TMEM131L: variants seen among roughly 807,000 people sequenced by gnomAD.
TMEM131L encodes transmembrane protein 131-like.
Under a neutral mutation model 192.2 loss-of-function variants are expected in TMEM131L, and 54 were observed. That is an observed-to-expected ratio of 0.28 (90% CI 0.23 to 0.35). The LOEUF is 0.35. Among genes scored for constraint, TMEM131L ranks in the 10% least tolerant of loss-of-function variants. The pLI is 1.00. For missense variants in TMEM131L, 1,888 were observed against 1,972.9 expected, an observed-to-expected ratio of 0.96 and a Z score of 0.82; for synonymous variants, 701 against 704.9, an observed-to-expected ratio of 0.99 and a Z score of 0.09.
At chr4:153,524,173 A>G (rs1348865898) in intron 3 of TMEM131L, among the ~76,000 whole-genome samples, 2 of 126,078 alleles carry the variant, frequency 1.6e-5, no homozygotes, top group Admixed American at 9.5e-5. Flanking sequence ...TGCAAAGTCT[A>G]GTGGGGAATT....
At chr4:153,545,290 C>CTTTTTTTTTTTT (rs59852943) in intron 3 of TMEM131L, among the ~76,000 whole-genome samples, 9 of 132,324 alleles carry the variant, frequency 6.8e-5, no homozygotes, top group East Asian at 2.5e-4. Context: ...CTTTTTCAAA[C>CTTTTTTTTTTTT]TTTTTTTTTT....
chr4:153,576,089 A>G (rs528070029), intron 7 of TMEM131L, among the ~76,000 whole-genome samples: 65 of 151,792 alleles, frequency 4.3e-4, no homozygotes, highest in African/African-American at 1.5e-3. Context: ...CCTCCCGAGT[A>G]GCTGGGACTA....
intron 3 of TMEM131L, among the ~76,000 whole-genome samples, chr4:153,496,741 G>A (rs1246321419): frequency 6.6e-6 from 1 of 151,794 alleles, no homozygotes; most frequent in Non-Finnish European, 1.5e-5. Context: ...TGTAGACATG[G>A]GGGTCTCACT....
chr4:153,632,474 T>C (rs1734278515), intron 31 of TMEM131L: 1 of 479,482 alleles, frequency 2.1e-6, no homozygotes, highest in African/African-American at 2.0e-5. Flanking sequence ...GTTCCTCAAA[T>C]ATTTGTTATG....
rs559343265 is a variant in TMEM131L at position 153,469,748 on chromosome 4, C to A, written c.195+2467C>A. Among the ~76,000 whole-genome samples the A allele has an allele frequency of 5.0e-4, 76 of 152,160 alleles. 1 individual carries two copies. Among genetic ancestry groups the A allele is most frequent in the African/African-American group, 1.5e-3 (61 of 41,508 alleles). ...TTGAGACCAGTCTGACCAACATGGA[C>A]AAACTCTGTCTCTACTAAAAATGCA... is the stretch of plus-strand genomic sequence containing the variant. On this transcript the variant is annotated intron_variant, in intron 2 of 34. Transcript: ENST00000409959.
intron 26 of TMEM131L, among the ~76,000 whole-genome samples, chr4:153,613,350 T>A (rs1341633718): frequency 6.6e-6 from 1 of 152,142 alleles, no homozygotes; most frequent in Non-Finnish European, 1.5e-5. Flanking sequence ...TTTAACCAAG[T>A]AAAAATAGTA....
chr4:153,612,407 A>G lies in TMEM131L; in HGVS notation c.3567+7A>G. 1 of 1,574,672 alleles carries G rather than the reference A, an allele frequency of 6.4e-7. No homozygotes were observed. The highest frequency in any genetic ancestry group is 8.6e-7 in the Non-Finnish European group (1 of 1,168,198). ...GGACATACCTTTCGTAGAGGTCTGT[A>G]TTTTTTTTCTTGCCTATTAAAAACA... On this transcript the variant is annotated splice_region_variant and intron_variant, in intron 26 of 34. Coordinates refer to ENST00000409959, the MANE Select transcript of TMEM131L (RefSeq NM_001131007.2).
Position 153,604,365 on chromosome 4 carries a change from A to G in TMEM131L, c.3353A>G (p.His1118Arg), listed in dbSNP as rs1732069260. ...LKTSKKLPEN[H>R]LPRNSPQYHQ... Reference sequence around the variant, plus strand: ...ACCTCCAAGAAACTACCTGAAAACCATTTACCAAGAAACTCACCTCAGTAC... The same window carrying G: ...ACCTCCAAGAAACTACCTGAAAACCGTTTACCAAGAAACTCACCTCAGTAC... Residue 1118 changes from histidine (H) to arginine (R), a missense_variant, in exon 25 of 35, where the codon CAT becomes CGT. Coordinates refer to ENST00000409959, the MANE Select transcript of TMEM131L (RefSeq NM_001131007.2). The G allele has an allele frequency of 3.7e-6, 6 of 1,613,804 alleles. No individual in the cohort carries two copies. The highest frequency in any genetic ancestry group is 2.7e-5 in the African/African-American group (2 of 75,012).
intron 5 of TMEM131L, 118 bp from the exon 6 acceptor site, chr4:153,556,848 T>TAATC (rs10639508): frequency 2.0e-4 from 123 of 619,680 alleles, no homozygotes; most frequent in South Asian, 1.3e-3. Context: ...ATAATACTGA[T>TAATC]AAGGGTGCAC....
At chr4:153,591,819 AG>A (rs1731088649) in intron 17 of TMEM131L, among the ~76,000 whole-genome samples, 1 of 152,202 alleles carries the variant, frequency 6.6e-6, no homozygotes, top group South Asian at 2.1e-4. Flanking sequence ...ATTTCAACTT[AG>A]AGAAAAGTTT....
intron 33 of TMEM131L, among the ~76,000 whole-genome samples, chr4:153,634,900 A>G (rs543958764): frequency 2.0e-5 from 3 of 152,316 alleles, no homozygotes; most frequent in African/African-American, 7.2e-5. Flanking sequence ...GGGATGTATC[A>G]TTCTTATCTA....
At chr4:153,468,509 CA>C (rs1730931313) in intron 2 of TMEM131L, among the ~76,000 whole-genome samples, 2 of 152,102 alleles carry the variant, frequency 1.3e-5, no homozygotes. Context: ...ATAAAAAGAA[CA>C]AAATAGAAAT....
intron 11 of TMEM131L, among the ~76,000 whole-genome samples, chr4:153,584,061 A>C (rs1451402301): frequency 6.6e-6 from 1 of 152,218 alleles, no homozygotes; most frequent in East Asian, 1.9e-4. Context: ...TATCCTCCAG[A>C]TATGTATGTA....
intron 28 of TMEM131L, among the ~76,000 whole-genome samples, 196 bp downstream of exon 28, chr4:153,622,045 G>A (rs966223240): frequency 3.3e-5 from 5 of 152,172 alleles, no homozygotes; most frequent in African/African-American, 9.7e-5. Context: ...TAGGCCTCTA[G>A]TGCTGCCCCC....
intron 3 of TMEM131L, among the ~76,000 whole-genome samples, chr4:153,504,111 C>T (rs113236788): frequency 0.12 from 18,430 of 150,184 alleles, 2,016 homozygotes; most frequent in African/African-American, 0.26. Flanking sequence ...GGACTACAGG[C>T]GCCCGCCACC....
intron 3 of TMEM131L, among the ~76,000 whole-genome samples, chr4:153,480,299 A>C (rs893638084): frequency 6.6e-6 from 1 of 152,206 alleles, no homozygotes. Flanking sequence ...AGATCGCGCC[A>C]CTGCACTCCA....
At chr4:153,485,624 A>G (rs1477584406) in intron 3 of TMEM131L, among the ~76,000 whole-genome samples, 1 of 152,208 alleles carries the variant, frequency 6.6e-6, no homozygotes, top group Non-Finnish European at 1.5e-5. Context: ...TGTTGCTGCC[A>G]CTAAATTATT....
rs1734502625 is a variant in TMEM131L at position 153,635,452 on chromosome 4, G to A, written c.4438G>A (p.Gly1480Ser). The A allele has an allele frequency of 1.2e-6, 2 of 1,613,910 alleles. No homozygotes were observed. The highest frequency in any genetic ancestry group is 2.7e-5 in the African/African-American group (2 of 75,014). Residue 1480 changes from glycine (G) to serine (S), a missense_variant, in exon 34 of 35, where the codon GGC becomes AGC. Coordinates refer to ENST00000409959, the MANE Select transcript of TMEM131L (RefSeq NM_001131007.2). ...TGTAGAAAACATGAACTATGCCAAT[G>A]GCTTCCCCTGTCCTGCAGATGTTCA... ...FPEENMNYANGFPCPADVQTD... is the reference protein window; with the variant it reads ...FPEENMNYANSFPCPADVQTD...
rs1561213640 is a variant in TMEM131L at position 153,583,550 on chromosome 4, T to C, written c.952-14T>C. On this transcript the variant is annotated splice_polypyrimidine_tract_variant and intron_variant, in intron 10 of 34. Transcript: ENST00000409959. ...AGCTGAGAGTAGTCACATGGGACTT[T>C]TCTTTTATTTCAGGATATACGCCAT... is the stretch of plus-strand genomic sequence containing the variant. 2 of 1,563,320 alleles carry C rather than the reference T, an allele frequency of 1.3e-6. No individual in the cohort carries two copies. The highest frequency in any genetic ancestry group is 1.8e-6 in the Non-Finnish European group (2 of 1,134,708).
Sources: gnomAD v4.1 joint callset for allele counts (sites outside exome capture counted in the v4.1 genomes callset) on GRCh38, gnomAD v4.1.1 for gene constraint, MANE v1.5 for transcripts, NCBI Gene and HGNC (gene_info 2026-07-23, HGNC 2026-07-21) for gene names.